Variants in SP140 observed in about 807,000 individuals in gnomAD.
SP140 encodes the protein SP140 nuclear body protein.
A neutral mutation model predicts 125.0 loss-of-function variants in SP140; 81 were observed. The ratio of observed to expected loss-of-function variants is 0.65; its 90% CI spans 0.54 to 0.78. The LOEUF (loss-of-function observed/expected upper bound fraction) is 0.78. SP140 is among the 30% of genes least tolerant of loss of function. The pLI, the probability that SP140 is intolerant of heterozygous loss-of-function variation, is 0.00. For synonymous variants in SP140, 312 were observed against 354.0 expected, an observed-to-expected ratio of 0.88 and a Z score of 1.33; for missense variants, 858 against 1,037.0, an observed-to-expected ratio of 0.83 and a Z score of 2.37.
chr2:230,313,479 C>T (rs191302871), downstream of SP140, among the ~76,000 whole-genome samples: 161 of 152,348 alleles, frequency 1.1e-3, no homozygotes, highest in Middle Eastern at 3.4e-3. Context: ...TGCCTGAAAG[C>T]AGGACCAAAG....
intron 19 of SP140, among the ~76,000 whole-genome samples, chr2:230,291,599 C>T (rs2057120789): frequency 6.6e-6 from 1 of 152,154 alleles, no homozygotes; most frequent in African/African-American, 2.4e-5. Flanking sequence ...ATTAGTATTT[C>T]ATTTCTTTTA....
chr2:230,237,008 G>A lies in SP140; in HGVS notation c.60-75G>A. On this transcript the variant is annotated intron_variant, in intron 1 of 26. Coordinates refer to ENST00000392045, the MANE Select transcript of SP140 (RefSeq NM_007237.5). The surrounding 1 kb of genome is among the most constrained non-coding windows in gnomAD (Gnocchi z 5.4). ...TGGCTCTCCATTGGCCATCCTTCAT[G>A]TCTAAAATCTTCTAACCACCACAAA... 1.6e-6 allele frequency: 2 copies of A among 1,213,846 alleles called. No individual in the cohort carries two copies. Among genetic ancestry groups the A allele is most frequent in the South Asian group, 1.8e-5 (1 of 56,276 alleles). The allele number at this position is 1,213,846 out of a possible 1,614,324, so 75.2% of individuals were successfully genotyped here. A position where few individuals can be genotyped will look rare whatever the true frequency, so the allele number is the denominator to read the frequency against.
At chr2:230,250,585 G>A (rs2050208274) in intron 9 of SP140, among the ~76,000 whole-genome samples, 1 of 152,120 alleles carries the variant, frequency 6.6e-6, no homozygotes, top group Non-Finnish European at 1.5e-5. Context: ...ATGAGATGGG[G>A]AAAGCCAATA....
chr2:230,247,899 C>T lies in SP140; in HGVS notation c.743-17C>T. ...GAAATTACATACACTCTCAGAGATG[C>T]CTTTTTTGATCCCTAGTTCTAGAAA... On this transcript the variant is annotated splice_polypyrimidine_tract_variant and intron_variant, in intron 7 of 26. Coordinates refer to ENST00000392045, the MANE Select transcript of SP140 (RefSeq NM_007237.5). The T allele has an allele frequency of 6.2e-7, 1 of 1,611,606 alleles. No individual in the cohort carries two copies. The highest frequency in any genetic ancestry group is 8.5e-7 in the Non-Finnish European group (1 of 1,178,696).
chr2:230,220,539 A>G lies in SP140; in HGVS notation c.-90-5216A>G, dbSNP rs368448728. On this transcript the variant is annotated intron_variant, in intron 3 of 4. Coordinates refer to the SP140 transcript ENST00000456542. ...ATTGTGCAGAGGCAGGCAGACCTCC[A>G]GGCAGAAAAATGGCTGAGAGCTGGG... Among the ~76,000 whole-genome samples, 29 of 152,356 alleles carry G rather than the reference A, an allele frequency of 1.9e-4. 1 individual carries two copies. Among genetic ancestry groups the G allele is most frequent in the East Asian group, 1.4e-3 (7 of 5,180 alleles).
intron 3 of SP140, chr2:230,215,124 A>T: frequency 6.2e-7 from 1 of 1,611,022 alleles, no homozygotes; most frequent in Non-Finnish European, 8.5e-7. Flanking sequence ...GATTCCTATA[A>T]AAATGGAGTG....
intron 12 of SP140, among the ~76,000 whole-genome samples, chr2:230,264,224 T>A: frequency 6.6e-6 from 1 of 152,160 alleles, no homozygotes; most frequent in East Asian, 1.9e-4. Flanking sequence ...ACCTTGTCTT[T>A]GAGCTCTGAA....
chr2:230,302,023 A>G (rs948534570), intron 22 of SP140, among the ~76,000 whole-genome samples: 2 of 152,228 alleles, frequency 1.3e-5, no homozygotes, highest in Admixed American at 6.5e-5. Context: ...AACAACAGTT[A>G]AAAAAGACAA....
Position 230,310,478 on chromosome 2 carries a change from C to G in SP140, c.2175-265C>G, listed in dbSNP as rs908231670. On this transcript the variant is annotated intron_variant, in intron 23 of 26. Coordinates refer to ENST00000392045, the MANE Select transcript of SP140 (RefSeq NM_007237.5). The stretch of plus-strand genomic sequence containing the variant: ...CCTGACAGACAGGGTTCCCTGTGCT[C>G]CCAGCAGCTCAGACAGAGAAAGGAG... 21 of 757,116 alleles carry G rather than the reference C, an allele frequency of 2.8e-5. 1 individual carries two copies. The Admixed American group carries it at 6.4e-4, about 23-fold the overall frequency. 46.9% of individuals were successfully genotyped at this position (757,116 alleles called of 1,614,324 possible).
chr2:230,291,631 T>G (rs1448829944), intron 19 of SP140, among the ~76,000 whole-genome samples: 1 of 152,252 alleles, frequency 6.6e-6, no homozygotes, highest in African/African-American at 2.4e-5. Context: ...TATATGTCAT[T>G]GTATAGATAT....
At chr2:230,198,663 T>G (rs1450524949), upstream of SP140, among the ~76,000 whole-genome samples, 1 of 152,106 alleles carries the variant, frequency 6.6e-6, no homozygotes, top group Non-Finnish European at 1.5e-5. Context: ...GGCATGATCT[T>G]GGCTCACTGC....
intron 11 of SP140, among the ~76,000 whole-genome samples, chr2:230,254,918 A>C (rs575607866): frequency 6.6e-6 from 1 of 151,804 alleles, no homozygotes; most frequent in Non-Finnish European, 1.5e-5. Context: ...CCCCTGTACT[A>C]TGTGTTGTTG....
intron 1 of SP140, among the ~76,000 whole-genome samples, chr2:230,229,931 GT>G (rs1337803512): frequency 6.6e-6 from 1 of 151,488 alleles, no homozygotes; most frequent in Non-Finnish European, 1.5e-5. Context: ...ACAGGTAGGG[GT>G]TTTTTGTTTT....
chr2:230,287,889 C>T lies in SP140; in HGVS notation c.1646-3C>T, dbSNP rs777979073. The T allele has an allele frequency of 1.9e-6, 3 of 1,608,866 alleles. No homozygotes were observed. The highest frequency in any genetic ancestry group is 1.7e-6 in the Non-Finnish European group (2 of 1,177,944). On this transcript the variant is annotated splice_polypyrimidine_tract_variant and splice_region_variant and intron_variant, in intron 17 of 26. Coordinates refer to ENST00000392045, the MANE Select transcript of SP140 (RefSeq NM_007237.5). ...CTGTGATTATATTATTCTACTTTCT[C>T]AGGGAGAAAGAGAGGCAAACCTGGA...
chr2:230,277,811 A>G (rs968018609), intron 15 of SP140, among the ~76,000 whole-genome samples: 1 of 152,132 alleles, frequency 6.6e-6, no homozygotes, highest in Non-Finnish European at 1.5e-5. Context: ...CATGATTCAA[A>G]ATACTATTTT....
At chr2:230,200,881 T>C (rs764054594), upstream of SP140, 12 of 1,608,478 alleles carry the variant, frequency 7.5e-6, no homozygotes, top group South Asian at 1.2e-4. Flanking sequence ...TCTCCAAGTT[T>C]TACCTTGTGT....
At chr2:230,186,901 T>C in the SP140 span, among the ~76,000 whole-genome samples, 1 of 152,222 alleles carries the variant, frequency 6.6e-6, no homozygotes, top group Admixed American at 6.5e-5. Flanking sequence ...ACACATTCAT[T>C]GGTCAATGGG....
At chr2:230,221,149 C>T (rs183689972), upstream of SP140, among the ~76,000 whole-genome samples, 506 of 151,154 alleles carry the variant, frequency 3.3e-3, 5 homozygotes, top group African/African-American at 0.012. Context: ...GATGTGGTGG[C>T]GGGAACCTGT....
At chr2:230,259,398 C>A (rs565800229) in intron 12 of SP140, among the ~76,000 whole-genome samples, 35 of 152,080 alleles carry the variant, frequency 2.3e-4, no homozygotes, top group African/African-American at 8.2e-4. Context: ...AGTCTCCAAG[C>A]CGGGCACGGT....
Sources: gnomAD v4.1 joint callset for allele counts (sites outside exome capture counted in the v4.1 genomes callset) on GRCh38, gnomAD v4.1.1 for gene constraint, Gnocchi (gnomAD v3.1) non-coding constraint, MANE v1.5 for transcripts, NCBI Gene and HGNC (gene_info 2026-07-23, HGNC 2026-07-21) for gene names.